Variants in JARID2 observed in about 807,000 individuals in gnomAD.
The protein encoded by JARID2 is jumonji and AT-rich interaction domain containing 2.
In JARID2, 21 loss-of-function variants were observed where a neutral mutation model predicts 125.6. The ratio of observed to expected loss-of-function variants is 0.17; its 90% confidence interval spans 0.12 to 0.24. The LOEUF (loss-of-function observed/expected upper bound fraction) is 0.24, where lower values mean the gene tolerates loss of function less well. Ranked by LOEUF, JARID2 falls within the 10% of genes least tolerant of loss-of-function variation. The pLI, the probability that JARID2 is intolerant of heterozygous loss-of-function variation, is 1.00. For missense variants in JARID2, 1,303 were observed against 1,639.6 expected (o/e 0.79, Z 3.55); for synonymous variants, 736 against 661.6 (o/e 1.11, Z -1.73).
intron 1 of JARID2, among the ~76,000 whole-genome samples, chr6:15,269,323 T>A (rs971848249): frequency 2.0e-4 from 30 of 152,150 alleles, no homozygotes; most frequent in Admixed American, 1.4e-3. Flanking sequence ...CCTCCTAAAG[T>A]TGGATTTTTA....
chr6:15,366,822 T>G (rs1490982329), intron 1 of JARID2, among the ~76,000 whole-genome samples: 1 of 152,096 alleles, frequency 6.6e-6, no homozygotes, highest in Non-Finnish European at 1.5e-5. Flanking sequence ...TATCACCAGG[T>G]TGTTATTTAA....
At chr6:15,391,982 A>C (rs553114662) in intron 2 of JARID2, among the ~76,000 whole-genome samples, 1 of 151,834 alleles carries the variant, frequency 6.6e-6, no homozygotes, top group Non-Finnish European at 1.5e-5. Context: ...TGTGCCCTTC[A>C]TGGCTACTGA....
At chr6:15,285,308 A>G (rs1403516620) in intron 1 of JARID2, among the ~76,000 whole-genome samples, 1 of 151,912 alleles carries the variant, frequency 6.6e-6, no homozygotes, top group Non-Finnish European at 1.5e-5. Context: ...TTGTTTTAGT[A>G]GAGACTGGGT....
intron 1 of JARID2, among the ~76,000 whole-genome samples, chr6:15,332,816 G>C (rs1237578744): frequency 6.6e-6 from 1 of 151,120 alleles, no homozygotes; most frequent in African/African-American, 2.4e-5. Context: ...TTCGTTGTCT[G>C]TCTACTCCTT....
chr6:15,355,709 T>G (rs1763575771), intron 1 of JARID2, among the ~76,000 whole-genome samples: 1 of 152,140 alleles, frequency 6.6e-6, no homozygotes, highest in Admixed American at 6.5e-5. Flanking sequence ...CCTCCTAGGC[T>G]GAAACGATTC....
chr6:15,363,180 A>G lies in JARID2; in HGVS notation c.46-10937A>G, dbSNP rs145781231. Among the ~76,000 whole-genome samples, 9 of 152,308 alleles carry G rather than the reference A, an allele frequency of 5.9e-5. 1 individual carries two copies. Among genetic ancestry groups the G allele is most frequent in the African/African-American group, 2.2e-4 (9 of 41,556 alleles). On this transcript the variant is annotated intron_variant, in intron 1 of 17. Coordinates refer to ENST00000341776, the MANE Select transcript of JARID2 (RefSeq NM_004973.4). ...TAAAAAGTTTGCGTTAAATTTGGCA[A>G]TTAGAGTGTTTCTCATGGCAGTGAG... is the stretch of plus-strand genomic sequence containing the variant.
intron 1 of JARID2, among the ~76,000 whole-genome samples, chr6:15,344,323 C>G (rs761487938): frequency 9.9e-5 from 15 of 151,890 alleles, no homozygotes; most frequent in Non-Finnish European, 2.1e-4. Flanking sequence ...AAAGCACACT[C>G]TGGCATATAG....
intron 1 of JARID2, among the ~76,000 whole-genome samples, chr6:15,323,408 T>C (rs1762423736): frequency 6.6e-6 from 1 of 152,210 alleles, no homozygotes; most frequent in Non-Finnish European, 1.5e-5. Context: ...AGCGTCTTCA[T>C]AGATATGTGG....
intron 2 of JARID2, among the ~76,000 whole-genome samples, chr6:15,376,991 A>T (rs978283036): frequency 6.6e-6 from 1 of 152,156 alleles, no homozygotes; most frequent in African/African-American, 2.4e-5. Context: ...GTCTTTGTGT[A>T]TATATGCGTG....
chr6:15,273,679 C>A (rs1032096807), intron 1 of JARID2, among the ~76,000 whole-genome samples: 12 of 152,166 alleles, frequency 7.9e-5, no homozygotes, highest in African/African-American at 2.7e-4. Context: ...CCAGCCTGTG[C>A]AACAAGAGCG....
intron 6 of JARID2, among the ~76,000 whole-genome samples, chr6:15,494,066 C>G (rs749897621): frequency 6.6e-6 from 1 of 152,174 alleles, no homozygotes; most frequent in Non-Finnish European, 1.5e-5. Flanking sequence ...AGATCTGGCT[C>G]TAGGAATGAG....
intron 1 of JARID2, among the ~76,000 whole-genome samples, chr6:15,290,228 G>GTTCAT (rs772548447): frequency 2.6e-5 from 4 of 152,102 alleles, no homozygotes; most frequent in African/African-American, 4.8e-5. Flanking sequence ...GTATTTATCA[G>GTTCAT]TTCATTTCAT....
chr6:15,247,623 G>T, intron 1 of JARID2: 1 of 984,938 alleles, frequency 1.0e-6, no homozygotes, highest in African/African-American at 1.7e-5. Flanking sequence ...AGACAAATTG[G>T]TGTTAATATT....
intron 2 of JARID2, among the ~76,000 whole-genome samples, chr6:15,402,258 A>G (rs1231984720): frequency 6.6e-6 from 1 of 152,194 alleles, no homozygotes. Flanking sequence ...CGATCGAGTT[A>G]AAGCAGCAGC....
chr6:15,433,427 T>C (rs921253699), intron 3 of JARID2, among the ~76,000 whole-genome samples: 2 of 147,462 alleles, frequency 1.4e-5, no homozygotes, highest in African/African-American at 4.9e-5. Context: ...TGTGTGTGTG[T>C]GTGTGTGTGT....
At chr6:15,256,618 T>C (rs1759676018) in intron 1 of JARID2, among the ~76,000 whole-genome samples, 1 of 152,174 alleles carries the variant, frequency 6.6e-6, no homozygotes, top group Non-Finnish European at 1.5e-5. Flanking sequence ...GGGCTTCAGC[T>C]GAGCCCAGCA....
intron 16 of JARID2, among the ~76,000 whole-genome samples, chr6:15,515,764 CAAAA>C (rs573083097): frequency 0.042 from 5,894 of 139,822 alleles, 147 homozygotes; most frequent in Non-Finnish European, 0.064. Context: ...AAAAAAAAAA[CAAAA>C]ACAAAAACCA....
intron 1 of JARID2, among the ~76,000 whole-genome samples, chr6:15,291,234 C>CA (rs1761201372): frequency 6.6e-6 from 1 of 151,826 alleles, no homozygotes; most frequent in Non-Finnish European, 1.5e-5. Flanking sequence ...GACCCTGTCT[C>CA]AAAAAAATAA....
intron 5 of JARID2, among the ~76,000 whole-genome samples, chr6:15,481,462 A>G (rs542939322): frequency 2.0e-5 from 3 of 151,970 alleles, no homozygotes; most frequent in Non-Finnish European, 4.4e-5. Flanking sequence ...GAGAGTGAAT[A>G]TTTTTTTTCC....
Sources: gnomAD v4.1 joint callset for allele counts (sites outside exome capture counted in the v4.1 genomes callset) on GRCh38, gnomAD v4.1.1 for gene constraint, MANE v1.5 for transcripts, NCBI Gene and HGNC (gene_info 2026-07-23, HGNC 2026-07-21) for gene names.